Variants in EPHA4 observed in about 807,000 individuals in gnomAD.
EPHA4 encodes EPH receptor A4.
In EPHA4, 19 loss-of-function variants were observed where a neutral mutation model predicts 108.3. The observed-to-expected ratio is 0.18, with a 90% confidence interval of 0.12 to 0.26. The LOEUF (loss-of-function observed/expected upper bound fraction) is 0.26, where lower values mean the gene tolerates loss of function less well. EPHA4 is among the 10% of genes least tolerant of loss of function. EPHA4 has a pLI of 1.00. For missense variants in EPHA4, 917 were observed against 1,254.0 expected (o/e 0.73, Z 4.06); for synonymous variants, 449 against 455.5 (o/e 0.99, Z 0.18).
Position 221,571,540 on chromosome 2 carries a change from C to T in EPHA4, c.91+618G>A, listed in dbSNP as rs899157932. 6.6e-6 allele frequency among the ~76,000 whole-genome samples: 1 copy of T among 152,240 alleles called. No homozygotes were observed. Among genetic ancestry groups the T allele is most frequent in the African/African-American group, 2.4e-5 (1 of 41,470 alleles). On this transcript the variant is annotated intron_variant, in intron 1 of 17. Transcript: ENST00000281821. The surrounding 1 kb of genome is among the most constrained non-coding windows in gnomAD (Gnocchi z 6.3). ...TGCGGGGCGAAGAGCTCGGGCCCCT[C>T]AGGCCCGCAATCGCACCCTCGGGGC...
chr2:221,554,281 T>C (rs571203218), intron 3 of EPHA4, among the ~76,000 whole-genome samples: 64 of 152,344 alleles, frequency 4.2e-4, no homozygotes, highest in African/African-American at 1.5e-3. Flanking sequence ...CACATTTAGA[T>C]GTTGTTTTAA....
chr2:221,561,345 G>A (rs1694458518), intron 3 of EPHA4, among the ~76,000 whole-genome samples: 1 of 151,974 alleles, frequency 6.6e-6, no homozygotes, highest in Admixed American at 6.6e-5. Flanking sequence ...ATTTTTACAT[G>A]GCAATAACAG....
Position 221,528,420 on chromosome 2 carries a change from G to A in EPHA4, c.824-27248C>T, listed in dbSNP as rs368855269. Among the ~76,000 whole-genome samples, 20 of 152,272 alleles carry A rather than the reference G, an allele frequency of 1.3e-4. No homozygotes were observed. The South Asian group carries it at 2.5e-3, about 19-fold the overall frequency. ...ACAAAATTCGAGCAGCCAATTCAAC[G>A]TTTTCTCTGCTCATGGACATAAGAC... On this transcript the variant is annotated intron_variant, in intron 3 of 17. Transcript: ENST00000281821.
intron 3 of EPHA4, among the ~76,000 whole-genome samples, chr2:221,510,864 T>C (rs1464345259): frequency 3.9e-5 from 6 of 152,202 alleles, no homozygotes; most frequent in Non-Finnish European, 7.4e-5. Context: ...GTAAGTAAAC[T>C]AAACACATTC....
At position 221,446,139 on chromosome 2, in the gene EPHA4, C is replaced by T; in HGVS notation, c.1758G>A (p.Glu586=). The T allele has an allele frequency of 6.5e-7, 1 of 1,542,502 alleles. No homozygotes were observed. Residue 586 remains glutamate (E), a synonymous_variant, in exon 9 of 18, where the codon GAG becomes GAA. Transcript: ENST00000281821. ...YSKAKQEADE[E]KHLNQGVRTY... is the part of the protein sequence containing the mutation. Reference sequence around the variant, plus strand: ...TTTTTGTACCTTGATTCAAATGTTTCTCTTCATCCGCTTCTTGTTTGGCTT... The same window carrying T: ...TTTTTGTACCTTGATTCAAATGTTTTTCTTCATCCGCTTCTTGTTTGGCTT...
chr2:221,501,267 G>GAC, intron 3 of EPHA4, 95 bp from the exon 4 acceptor site: 1 of 1,137,172 alleles, frequency 8.8e-7, no homozygotes, highest in Non-Finnish European at 1.2e-6. Flanking sequence ...GAAGAAGGGA[G>GAC]ACGTTCTTGC....
At chr2:221,499,739 T>C (rs1255859089) in intron 4 of EPHA4, among the ~76,000 whole-genome samples, 2 of 54,884 alleles carry the variant, frequency 3.6e-5, no homozygotes, top group Non-Finnish European at 6.6e-5. Flanking sequence ...TATATATATA[T>C]ATATATATAT....
intron 3 of EPHA4, among the ~76,000 whole-genome samples, chr2:221,502,050 C>T (rs1692505035): frequency 6.6e-6 from 1 of 152,030 alleles, no homozygotes; most frequent in Non-Finnish European, 1.5e-5. Flanking sequence ...GTTTTTTATA[C>T]ACCTGACATC....
intron 5 of EPHA4, among the ~76,000 whole-genome samples, chr2:221,463,061 A>G (rs1351109494): frequency 6.6e-6 from 1 of 152,200 alleles, no homozygotes; most frequent in East Asian, 1.9e-4. Flanking sequence ...AGAAGCCATT[A>G]GTTACTACAT....
chr2:221,559,555 C>G (rs975067272), intron 3 of EPHA4, among the ~76,000 whole-genome samples: 2 of 151,988 alleles, frequency 1.3e-5, no homozygotes, highest in African/African-American at 2.4e-5. Flanking sequence ...TGTTAAAAAA[C>G]AAATAATAAA....
At chr2:221,535,263 C>T (rs1350452706) in intron 3 of EPHA4, among the ~76,000 whole-genome samples, 1 of 152,134 alleles carries the variant, frequency 6.6e-6, no homozygotes, top group East Asian at 1.9e-4. Flanking sequence ...ATCACAGACT[C>T]CAAACTCTAA....
chr2:221,556,400 G>A (rs886106149), intron 3 of EPHA4, among the ~76,000 whole-genome samples: 9 of 151,358 alleles, frequency 5.9e-5, no homozygotes, highest in African/African-American at 2.2e-4. Context: ...AGGTTCAAAC[G>A]ATTCTCCTGG....
Position 221,571,319 on chromosome 2 carries a change from C to T in EPHA4, c.91+839G>A. ...TCTCAGAAACTAAATGATCACCGCC[C>T]CCCCGCCCCGCCCCACCTCCCGACA... is the stretch of plus-strand genomic sequence containing the variant. On this transcript the variant is annotated intron_variant, in intron 1 of 17. Coordinates refer to ENST00000281821, the MANE Select transcript of EPHA4 (RefSeq NM_004438.5). This position sits in a 1 kb window ranked among gnomAD's most constrained non-coding sequence, Gnocchi z 6.3. 6.6e-6 allele frequency among the ~76,000 whole-genome samples: 1 copy of T among 151,662 alleles called. No individual in the cohort carries two copies. Among genetic ancestry groups the T allele is most frequent in the Non-Finnish European group, 1.5e-5 (1 of 67,908 alleles).
intron 4 of EPHA4, among the ~76,000 whole-genome samples, chr2:221,485,401 G>T (rs1239649524): frequency 6.6e-6 from 1 of 152,204 alleles, no homozygotes; most frequent in African/African-American, 2.4e-5. Flanking sequence ...CTCTGGGTTG[G>T]ATGCTCAAGA....
intron 5 of EPHA4, among the ~76,000 whole-genome samples, chr2:221,477,917 G>A (rs1003298501): frequency 3.3e-5 from 5 of 152,122 alleles, no homozygotes; most frequent in Non-Finnish European, 7.3e-5. Context: ...TGCTACAGAT[G>A]TTTGTTTGTC....
At chr2:221,482,886 C>A (rs754340862) in intron 4 of EPHA4, among the ~76,000 whole-genome samples, 196 bp from the exon 5 acceptor site, 1 of 152,202 alleles carries the variant, frequency 6.6e-6, no homozygotes, top group Non-Finnish European at 1.5e-5. Flanking sequence ...GAGTGTCATT[C>A]TCTTTCCCAC....
intron 3 of EPHA4, among the ~76,000 whole-genome samples, chr2:221,534,887 AC>A (rs1299961909): frequency 6.6e-6 from 1 of 152,108 alleles, no homozygotes; most frequent in Non-Finnish European, 1.5e-5. Flanking sequence ...ACATGATTTA[AC>A]TTTTTTGTTG....
intron 5 of EPHA4, among the ~76,000 whole-genome samples, chr2:221,464,108 C>T (rs937491197): frequency 6.6e-6 from 1 of 152,066 alleles, no homozygotes; most frequent in Non-Finnish European, 1.5e-5. Context: ...TACACAATGG[C>T]CAGTGTTTGC....
chr2:221,503,218 T>G (rs1189535550), intron 3 of EPHA4, among the ~76,000 whole-genome samples: 3 of 152,110 alleles, frequency 2.0e-5, no homozygotes, highest in African/African-American at 7.2e-5. Flanking sequence ...TTTTTTCACA[T>G]CTGAATGTTT....
Sources: gnomAD v4.1 joint callset for allele counts (sites outside exome capture counted in the v4.1 genomes callset) on GRCh38, gnomAD v4.1.1 for gene constraint, Gnocchi (gnomAD v3.1) non-coding constraint, MANE v1.5 for transcripts, NCBI Gene and HGNC (gene_info 2026-07-23, HGNC 2026-07-21) for gene names.